The following AFG2A variants were observed in gnomAD, a reference collection of about 807,000 sequenced individuals.
AFG2A encodes the protein ATPase family gene 2 protein homolog A.
the AFG2A span, among the ~76,000 whole-genome samples, chr4:123,291,909 T>C: frequency 6.6e-6 from 1 of 152,234 alleles, no homozygotes; most frequent in East Asian, 1.9e-4. Flanking sequence ...TTTGGATGTC[T>C]AAGTCTCTAG....
chr4:122,991,736 A>T, the AFG2A span, among the ~76,000 whole-genome samples: 1 of 152,294 alleles, frequency 6.6e-6, no homozygotes, highest in East Asian at 1.9e-4. Context: ...TTTTTGAGAC[A>T]TTTTCAAATT....
chr4:122,962,073 C>T, the AFG2A span, among the ~76,000 whole-genome samples: 2 of 152,208 alleles, frequency 1.3e-5, no homozygotes, highest in Admixed American at 6.5e-5. Context: ...AAGGAGCAGA[C>T]AACCTATTTC....
At chr4:123,055,706 G>A in the AFG2A span, among the ~76,000 whole-genome samples, 1 of 152,120 alleles carries the variant, frequency 6.6e-6, no homozygotes, top group Non-Finnish European at 1.5e-5. Flanking sequence ...ATGCATGCTC[G>A]TGCGCACACA....
the AFG2A span, among the ~76,000 whole-genome samples, chr4:123,234,879 C>T: frequency 6.6e-6 from 1 of 152,082 alleles, no homozygotes; most frequent in Admixed American, 6.6e-5. Context: ...CTCTCTAACT[C>T]AGTTTTATTA....
the AFG2A span, among the ~76,000 whole-genome samples, chr4:123,039,046 G>GA: frequency 2.0e-5 from 3 of 151,892 alleles, no homozygotes; most frequent in Non-Finnish European, 2.9e-5. Context: ...ACTTAGCAGA[G>GA]AAAAAAATCA....
the AFG2A span, chr4:122,934,145 G>A: frequency 2.7e-5 from 44 of 1,613,752 alleles, no homozygotes; most frequent in Non-Finnish European, 2.8e-5. Context: ...ACATTCTATG[G>A]ACGACCGTAC....
At chr4:123,247,220 C>CGT in the AFG2A span, among the ~76,000 whole-genome samples, 1 of 93,728 alleles carries the variant, frequency 1.1e-5, no homozygotes, top group African/African-American at 2.9e-5. Context: ...TGCTTACTTG[C>CGT]GTGCGTGTGT....
chr4:123,112,785 T>C, the AFG2A span, among the ~76,000 whole-genome samples: 1 of 152,164 alleles, frequency 6.6e-6, no homozygotes, highest in Non-Finnish European at 1.5e-5. Context: ...ATTTTTCCTA[T>C]GTGCTTTCTT....
the AFG2A span, among the ~76,000 whole-genome samples, chr4:123,026,249 G>A: frequency 6.6e-6 from 1 of 152,104 alleles, no homozygotes; most frequent in Admixed American, 6.6e-5. Flanking sequence ...GCACCTGGCT[G>A]AGTGTGCTGG....
the AFG2A span, among the ~76,000 whole-genome samples, chr4:123,064,188 T>C: frequency 3.3e-5 from 5 of 152,214 alleles, no homozygotes; most frequent in Non-Finnish European, 5.9e-5. Flanking sequence ...TTTTATATTG[T>C]AAGAGGAAAT....
chr4:123,245,596 AT>A, the AFG2A span, among the ~76,000 whole-genome samples: 49 of 151,884 alleles, frequency 3.2e-4, no homozygotes, highest in Middle Eastern at 3.4e-3. Context: ...TGCATGCTAA[AT>A]TTTTTTTTCT....
chr4:122,942,456 A>G, the AFG2A span, among the ~76,000 whole-genome samples: 1 of 151,196 alleles, frequency 6.6e-6, no homozygotes, highest in Non-Finnish European at 1.5e-5. Context: ...GGTAGTTTGT[A>G]TTTCTGTGGG....
At chr4:123,128,401 T>G in the AFG2A span, among the ~76,000 whole-genome samples, 1 of 152,116 alleles carries the variant, frequency 6.6e-6, no homozygotes, top group African/African-American at 2.4e-5. Flanking sequence ...TTTTCTTAGT[T>G]TAAACTTTTT....
chr4:123,194,808 G>C, the AFG2A span, among the ~76,000 whole-genome samples: 1 of 152,106 alleles, frequency 6.6e-6, no homozygotes, highest in Non-Finnish European at 1.5e-5. Flanking sequence ...AGGTACTTGG[G>C]TGAGACACAT....
At chr4:123,279,475 A>T in the AFG2A span, among the ~76,000 whole-genome samples, 1 of 152,176 alleles carries the variant, frequency 6.6e-6, no homozygotes, top group Admixed American at 6.5e-5. Context: ...AGTTGGAAGT[A>T]TAGCAAAGAG....
the AFG2A span, among the ~76,000 whole-genome samples, chr4:123,115,840 A>G: frequency 6.6e-6 from 1 of 152,200 alleles, no homozygotes; most frequent in Non-Finnish European, 1.5e-5. Flanking sequence ...GAAGAAAAAC[A>G]TGGATGTATA....
At chr4:122,959,611 T>C in the AFG2A span, among the ~76,000 whole-genome samples, 2 of 152,216 alleles carry the variant, frequency 1.3e-5, no homozygotes, top group African/African-American at 4.8e-5. Context: ...ATGGCATGAA[T>C]TGAAGTGATT....
the AFG2A span, among the ~76,000 whole-genome samples, chr4:123,061,975 A>G: frequency 6.6e-5 from 10 of 152,182 alleles, no homozygotes; most frequent in African/African-American, 2.4e-4. Context: ...ATATGTAGCA[A>G]AGTTCTCTTA....
the AFG2A span, among the ~76,000 whole-genome samples, chr4:123,009,442 A>G: frequency 6.6e-6 from 1 of 152,178 alleles, no homozygotes; most frequent in Non-Finnish European, 1.5e-5. Context: ...GTACATACAT[A>G]CTGGGATATT....
Sources: gnomAD v4.1 joint callset for allele counts (sites outside exome capture counted in the v4.1 genomes callset) on GRCh38, gnomAD v4.1.1 for gene constraint, MANE v1.5 for transcripts, NCBI Gene and HGNC (gene_info 2026-07-23, HGNC 2026-07-21) for gene names.